Variants in APCDD1 observed in about 807,000 individuals in gnomAD.
APCDD1 encodes APC down-regulated 1, also known as protein APCDD1.
A neutral mutation model predicts 38.1 loss-of-function variants in APCDD1; 15 were observed. The ratio of observed to expected loss-of-function variants is 0.39; its 90% confidence interval spans 0.26 to 0.61. The LOEUF is 0.61. APCDD1 is among the 20% of genes least tolerant of loss of function. The probability of loss-of-function intolerance (pLI) is 0.49; values close to 1 mark genes in which losing one functional copy is unlikely to be tolerated. For missense variants in APCDD1, 647 were observed against 696.2 expected, an observed-to-expected ratio of 0.93 and a Z score of 0.79; for synonymous variants, 261 against 279.7, an observed-to-expected ratio of 0.93 and a Z score of 0.67.
intron 1 of APCDD1, among the ~76,000 whole-genome samples, chr18:10,455,272 G>A (rs1167599846): frequency 1.3e-5 from 2 of 152,328 alleles, no homozygotes; most frequent in African/African-American, 2.4e-5. Context: ...CTTTGCTGCG[G>A]GACTGTTCTT....
Position 10,470,256 on chromosome 18 carries a change from T to C in APCDD1, c.243-1274T>C, listed in dbSNP as rs2030818539. Among the ~76,000 whole-genome samples, 3 of 152,328 alleles carry C rather than the reference T, an allele frequency of 2.0e-5. No homozygotes were observed. The highest frequency in any genetic ancestry group is 2.0e-4 in the Admixed American group (3 of 15,302). On this transcript the variant is annotated intron_variant, in intron 2 of 4. Transcript: ENST00000355285. The surrounding 1 kb of genome is among the most constrained non-coding windows in gnomAD (Gnocchi z 4.1). ...AAAAAATTAAACAAAAGGGATCTTC[T>C]TTTCTAAACCTCATCTAACATGAAT...
Position 10,485,862 on chromosome 18 carries a change from A to G in APCDD1, c.1096+79A>G, listed in dbSNP as rs1034271787. On this transcript the variant is annotated intron_variant, in intron 4 of 4. Transcript: ENST00000355285. The surrounding 1 kb of genome is among the most constrained non-coding windows in gnomAD (Gnocchi z 5.8). ...ATTTTTGTGGAGGCAGAGCTGAGGG[A>G]AAGGACCTCTTTTCTGCCTGAGTTC... 3 of 1,483,692 alleles carry G rather than the reference A, an allele frequency of 2.0e-6. No individual in the cohort carries two copies. The highest frequency in any genetic ancestry group is 3.7e-5 in the Admixed American group (2 of 54,374). The allele number at this position is 1,483,692 out of a possible 1,614,324, so 91.9% of individuals were successfully genotyped here. A position where few individuals can be genotyped will look rare whatever the true frequency, so the allele number is the denominator to read the frequency against.
chr18:10,485,722 C>T lies in APCDD1; in HGVS notation c.1035C>T (p.Gly345=). The T allele has an allele frequency of 1.2e-6, 2 of 1,614,120 alleles. No individual in the cohort carries two copies. Among genetic ancestry groups the T allele is most frequent in the Non-Finnish European group, 1.7e-6 (2 of 1,180,040 alleles). The change falls in exon 4 of 5, where the codon GGC becomes GGT. Residue 345 remains glycine (G), a synonymous_variant. Transcript: ENST00000355285. This position sits in a 1 kb window ranked among gnomAD's most constrained non-coding sequence, Gnocchi z 5.8. ...CCACCTTCTCCATCTACGCCCGGGG[C>T]CGCTACAGCCGCGGCGTCCTCTCGT... The part of the protein sequence containing the change: ...KHPTFSIYAR[G]RYSRGVLSSR...
At chr18:10,483,311 G>C (rs146980487) in intron 3 of APCDD1, among the ~76,000 whole-genome samples, 1 of 152,206 alleles carries the variant, frequency 6.6e-6, no homozygotes, top group South Asian at 2.1e-4. Context: ...CAGTTTCTCC[G>C]TGTGCCCCTA....
At chr18:10,468,931 A>G (rs549040169) in intron 2 of APCDD1, among the ~76,000 whole-genome samples, 18 of 152,368 alleles carry the variant, frequency 1.2e-4, no homozygotes, top group Non-Finnish European at 2.4e-4. Context: ...CTATGGGACC[A>G]CTTGTGTATA....
chr18:10,485,820 A>G lies in APCDD1; in HGVS notation c.1096+37A>G, dbSNP rs775134403. 4.4e-6 allele frequency: 7 copies of G among 1,599,970 alleles called. No individual in the cohort carries two copies. Among genetic ancestry groups the G allele is most frequent in the African/African-American group, 1.3e-5 (1 of 74,906 alleles). ...ATCTCAAGTCCCAGTATCACAGCCA[A>G]TAAACAGCCCTGTGACATTTTTGTG... On this transcript the variant is annotated intron_variant, in intron 4 of 4. Transcript: ENST00000355285. This position sits in a 1 kb window ranked among gnomAD's most constrained non-coding sequence, Gnocchi z 5.8.
In APCDD1 at chr18:10,472,041, C is replaced by A. The variant is rs549800578; in HGVS notation, c.754C>A (p.Pro252Thr). The A allele has an allele frequency of 2.4e-5, 39 of 1,613,512 alleles. No homozygotes were observed. The highest frequency in any genetic ancestry group is 5.0e-5 in the Admixed American group (3 of 60,006). Residue 252 changes from proline to threonine, a missense_variant, in exon 3 of 5, where the codon CCC becomes ACC. By Grantham distance (38) the Pro-to-Thr change is conservative (BLOSUM62 -1). Transcript: ENST00000355285. The surrounding 1 kb of genome is among the most constrained non-coding windows in gnomAD (Gnocchi z 6.6). Reference protein sequence around the residue: ...RMFYRPSSYQPPLQNAKNHDH... With the variant: ...RMFYRPSSYQTPLQNAKNHDH... ...GTTCTACCGGCCCTCCAGTTACCAG[C>A]CCCCTCTGCAGAATGCCAAGGTACC...
In APCDD1 at chr18:10,471,890, C is replaced by G. The variant is rs145453912; in HGVS notation, c.603C>G (p.Ala201=). Residue 201 remains alanine, a synonymous_variant, in exon 3 of 5, where the codon GCC becomes GCG. Coordinates refer to ENST00000355285, the MANE Select transcript of APCDD1 (RefSeq NM_153000.5). This position sits in a 1 kb window ranked among gnomAD's most constrained non-coding sequence, Gnocchi z 5.5. ...REENGCECTK[A]VNFAMHELQL... ...AGAACGGCTGTGAGTGCACCAAGGC[C>G]GTGAACTTTGCCATGCATGAACTTC... 76 of 1,614,168 alleles carry G rather than the reference C, an allele frequency of 4.7e-5. No homozygotes were observed. In the African/African-American group the frequency reaches 9.3e-4, roughly 20 times the overall value.
In APCDD1 at chr18:10,476,563, A is replaced by G. The variant is rs2031006825; in HGVS notation, c.774+4502A>G. On this transcript the variant is annotated intron_variant, in intron 3 of 4. Transcript: ENST00000355285. This position sits in a 1 kb window ranked among gnomAD's most constrained non-coding sequence, Gnocchi z 5.8. Reference sequence around the variant, plus strand: ...CTCATTCTTTCAGGGATGGAATCAAATGGTAATTAAAAGCAAATGATTGCC... The same window carrying G: ...CTCATTCTTTCAGGGATGGAATCAAGTGGTAATTAAAAGCAAATGATTGCC... 6.6e-6 allele frequency: 1 copy of G among 152,252 alleles called. No individual in the cohort carries two copies. The highest frequency in any genetic ancestry group is 2.1e-4 in the South Asian group (1 of 4,824). The allele number at this position is 152,252 out of a possible 1,614,324, so 9.4% of individuals were successfully genotyped here.
chr18:10,484,918 C>T (rs1309507475), intron 3 of APCDD1, among the ~76,000 whole-genome samples: 1 of 152,188 alleles, frequency 6.6e-6, no homozygotes, highest in African/African-American at 2.4e-5. Flanking sequence ...CTGCTTTCAA[C>T]TCTTTTGGGT....
chr18:10,475,146 C>T lies in APCDD1; in HGVS notation c.774+3085C>T, dbSNP rs894822126. Among the ~76,000 whole-genome samples the T allele has an allele frequency of 2.0e-5, 3 of 152,208 alleles. No individual in the cohort carries two copies. Among genetic ancestry groups the T allele is most frequent in the African/African-American group, 7.2e-5 (3 of 41,456 alleles). On this transcript the variant is annotated intron_variant, in intron 3 of 4. Transcript: ENST00000355285. The surrounding 1 kb of genome is among the most constrained non-coding windows in gnomAD (Gnocchi z 4.0). ...CCATCTCTCTTAACCTAGAGTAAGT[C>T]GCCCTTCTGGGCCAATGGCTCAGAG...
intron 1 of APCDD1, among the ~76,000 whole-genome samples, chr18:10,460,883 A>C (rs998661577): frequency 6.6e-6 from 1 of 152,188 alleles, no homozygotes; most frequent in Admixed American, 6.5e-5. Context: ...TTTGGAAACT[A>C]TGCCAAGGAC....
chr18:10,482,401 G>T (rs562758459), intron 3 of APCDD1, among the ~76,000 whole-genome samples: 29 of 152,326 alleles, frequency 1.9e-4, no homozygotes, highest in African/African-American at 7.0e-4. Flanking sequence ...CCAGGCGGAG[G>T]GGGTAGCCAC....
chr18:10,468,870 TAC>T (rs1223342964), intron 2 of APCDD1, among the ~76,000 whole-genome samples: 36 of 152,266 alleles, frequency 2.4e-4, no homozygotes, highest in African/African-American at 8.7e-4. Flanking sequence ...GATTATATTG[TAC>T]TCCTGTTAAC....
intron 1 of APCDD1, among the ~76,000 whole-genome samples, chr18:10,465,250 C>A (rs1215734564): frequency 1.3e-5 from 2 of 152,172 alleles, no homozygotes; most frequent in African/African-American, 4.8e-5. Context: ...GGGTGACATT[C>A]CCTTTGCCTG....
rs1388859867 is a variant in APCDD1 at position 10,471,759 on chromosome 18, G to A, written c.472G>A (p.Ala158Thr). The A allele has an allele frequency of 3.1e-6, 5 of 1,613,254 alleles. No individual in the cohort carries two copies. In the African/African-American group the frequency reaches 5.3e-5, roughly 17 times the overall value. ...CGTCCAGGTGATCTGCCACACAGAG[G>A]CGGTGGCCGAGAAGCTCGGCCAGCA... ...HNVQVICHTE[A>T]VAEKLGQQVN... The change falls in exon 3 of 5, where the codon GCG becomes ACG. Residue 158 changes from alanine (A) to threonine (T), a missense_variant. Transcript: ENST00000355285. The surrounding 1 kb of genome is among the most constrained non-coding windows in gnomAD (Gnocchi z 5.5).
In APCDD1 at chr18:10,488,182, C is replaced by A. The variant is rs878862118; in HGVS notation, c.*144C>A. On this transcript the variant is annotated 3_prime_UTR_variant, in exon 5 of 5. Transcript: ENST00000355285. ...TTTTTCTCCTCTCCCTCCCTCCCAG[C>A]CCCTGAGTCATGAACAGCAAGGAGT... The A allele has an allele frequency of 1.9e-6, 2 of 1,041,808 alleles. No individual in the cohort carries two copies. Among genetic ancestry groups the A allele is most frequent in the South Asian group, 3.0e-5 (2 of 66,434 alleles). The allele number at this position is 1,041,808 out of a possible 1,614,324, so 64.5% of individuals were successfully genotyped here. A position where few individuals can be genotyped will look rare whatever the true frequency, so the allele number is the denominator to read the frequency against.
rs941647168 is a variant in APCDD1 at position 10,467,289 on chromosome 18, G to A, written c.59-1180G>A. Among the ~76,000 whole-genome samples the A allele has an allele frequency of 3.3e-5, 5 of 152,266 alleles. No individual in the cohort carries two copies. The East Asian group carries it at 5.8e-4, about 18-fold the overall frequency. On this transcript the variant is annotated intron_variant, in intron 1 of 4. Transcript: ENST00000355285. This position sits in a 1 kb window ranked among gnomAD's most constrained non-coding sequence, Gnocchi z 4.8. ...GCCTTCTCTATGAAGCTATTTATGT[G>A]TTGATTAAAAAATATAATTGCTTCC...
At chr18:10,464,065 T>C (rs1215265990) in intron 1 of APCDD1, among the ~76,000 whole-genome samples, 1 of 152,214 alleles carries the variant, frequency 6.6e-6, no homozygotes, top group African/African-American at 2.4e-5. Context: ...TTTTTTTTCC[T>C]GCTTTCCAAT....
Sources: gnomAD v4.1 joint callset for allele counts (sites outside exome capture counted in the v4.1 genomes callset) on GRCh38, gnomAD v4.1.1 for gene constraint, Gnocchi (gnomAD v3.1) non-coding constraint, MANE v1.5 for transcripts, NCBI Gene and HGNC (gene_info 2026-07-23, HGNC 2026-07-21) for gene names.